Variants in PREX1 observed in about 807,000 individuals in gnomAD.
The protein encoded by PREX1 is phosphatidylinositol-3,4,5-trisphosphate dependent Rac exchange factor 1.
PREX1 carries 41 observed loss-of-function variants against 198.3 expected under a neutral mutation model. The observed-to-expected ratio is 0.21, with a 90% CI of 0.16 to 0.27. The LOEUF is 0.27. Among genes scored for constraint, PREX1 ranks in the 10% least tolerant of loss-of-function variants. The pLI, the probability that PREX1 is intolerant of heterozygous loss-of-function variation, is 1.00. For missense variants in PREX1, 1,620 were observed against 2,200.7 expected (o/e 0.74, Z 5.28); for synonymous variants, 843 against 887.2 (o/e 0.95, Z 0.89).
At chr20:48,693,646 G>A (rs1487805013) in intron 7 of PREX1, among the ~76,000 whole-genome samples, 2 of 151,806 alleles carry the variant, frequency 1.3e-5, no homozygotes, top group South Asian at 2.1e-4. Context: ...TCACTCTGTC[G>A]CCCAGGCTGG....
intron 3 of PREX1, among the ~76,000 whole-genome samples, chr20:48,744,033 T>C (rs773031237): frequency 1.4e-5 from 2 of 140,638 alleles, no homozygotes; most frequent in Non-Finnish European, 3.2e-5. Flanking sequence ...ATGATGATGA[T>C]GAGTTAACAG....
intron 1 of PREX1, among the ~76,000 whole-genome samples, chr20:48,774,881 C>A (rs1332145746): frequency 6.6e-6 from 1 of 152,274 alleles, no homozygotes; most frequent in Non-Finnish European, 1.5e-5. Context: ...ACAGCCTCAG[C>A]CTGCCATGGG....
chr20:48,749,073 G>A (rs1256968316), intron 1 of PREX1, among the ~76,000 whole-genome samples: 1 of 152,108 alleles, frequency 6.6e-6, no homozygotes, highest in African/African-American at 2.4e-5. Context: ...CACACGTATG[G>A]GCTGAGAGAG....
At chr20:48,881,797 T>G in the PREX1 span, among the ~76,000 whole-genome samples, 1 of 152,176 alleles carries the variant, frequency 6.6e-6, no homozygotes, top group Non-Finnish European at 1.5e-5. Flanking sequence ...CAATTCATCT[T>G]TAAGTGTGCA....
chr20:48,648,466 C>A (rs1010081399), intron 25 of PREX1, among the ~76,000 whole-genome samples: 7 of 152,204 alleles, frequency 4.6e-5, no homozygotes, highest in Admixed American at 4.6e-4. Flanking sequence ...AGCTCCCCAA[C>A]AAGGAATAAT....
chr20:48,834,984 T>C, the PREX1 span, among the ~76,000 whole-genome samples: 3 of 152,122 alleles, frequency 2.0e-5, no homozygotes, highest in African/African-American at 7.2e-5. Context: ...CTCGAACTCC[T>C]GACCTCAGCT....
In PREX1 at chr20:48,653,310, ACC is replaced by A. The variant is rs559404712; in HGVS notation, c.2346+49_2346+50del. 8.0e-5 allele frequency: 127 copies of A among 1,593,592 alleles called. 1 individual carries two copies. The African/African-American group carries it at 1.6e-3, about 20-fold the overall frequency. On this transcript the variant is annotated intron_variant, in intron 20 of 39. Transcript: ENST00000371941. ...AAGAGAGGACAGCCCTCAGCCACCC[ACC>A]CCCACTCAGCAGGACTTCTTTGACG...
intron 10 of PREX1, among the ~76,000 whole-genome samples, chr20:48,686,132 A>T: frequency 6.6e-6 from 1 of 151,974 alleles, no homozygotes. Context: ...AGTGGCAGTG[A>T]CTGTTTCACG....
rs73911660 is a variant in PREX1 at position 48,728,330 on chromosome 20, G to A, written c.520-1939C>T. On this transcript the variant is annotated intron_variant, in intron 4 of 39. Coordinates refer to ENST00000371941, the MANE Select transcript of PREX1 (RefSeq NM_020820.4). ...TTCACATACACAGAAAGTTCATGCC[G>A]AAAGCCTAAGGAAATAAGCATGGAC... Among the ~76,000 whole-genome samples, 1,337 of 152,320 alleles carry A rather than the reference G, an allele frequency of 8.8e-3. 19 individuals carry two copies. The highest frequency in any genetic ancestry group is 0.031 in the African/African-American group (1,278 of 41,556).
At chr20:48,683,484 C>G (rs1056491870) in intron 10 of PREX1, among the ~76,000 whole-genome samples, 2 of 152,144 alleles carry the variant, frequency 1.3e-5, no homozygotes, top group African/African-American at 2.4e-5. Context: ...ATTTAGCAGG[C>G]AAAATTTCTA....
rs530235321 is a variant in PREX1 at position 48,653,756 on chromosome 20, C to G, written c.2210-259G>C. Reference sequence around the variant, plus strand: ...CAAGGCAAACGGGATCCGATTCAGGCCCGTTTCACTCTAGAACCTCGTCTC... The same window carrying G: ...CAAGGCAAACGGGATCCGATTCAGGGCCGTTTCACTCTAGAACCTCGTCTC... On this transcript the variant is annotated intron_variant, in intron 19 of 39. Coordinates refer to ENST00000371941, the MANE Select transcript of PREX1 (RefSeq NM_020820.4). Among the ~76,000 whole-genome samples, 6 of 152,360 alleles carry G rather than the reference C, an allele frequency of 3.9e-5. No individual in the cohort carries two copies. The South Asian group carries it at 8.3e-4, about 21-fold the overall frequency.
At chr20:48,630,231 C>G (rs1436774485) in intron 36 of PREX1, among the ~76,000 whole-genome samples, 1 of 152,206 alleles carries the variant, frequency 6.6e-6, no homozygotes, top group Non-Finnish European at 1.5e-5. Context: ...AGGCAAGGAG[C>G]CCAAGGAGCC....
chr20:48,656,517 G>A (rs769186996), intron 18 of PREX1: 7 of 456,660 alleles, frequency 1.5e-5, no homozygotes, highest in African/African-American at 8.0e-5. Flanking sequence ...CTTCCAATGC[G>A]CCAGACACGG....
upstream of PREX1, among the ~76,000 whole-genome samples, chr20:48,831,791 C>A (rs544467184): frequency 3.9e-5 from 6 of 152,250 alleles, no homozygotes; most frequent in Non-Finnish European, 7.3e-5. Context: ...AGGTCACTAC[C>A]CCAGTGTCAT....
At chr20:48,751,372 T>C (rs947317328) in intron 1 of PREX1, among the ~76,000 whole-genome samples, 11 of 152,142 alleles carry the variant, frequency 7.2e-5, no homozygotes, top group Non-Finnish European at 1.0e-4. Flanking sequence ...CTGGCCTAGA[T>C]TGGGGCTTCC....
Position 48,708,320 on chromosome 20 carries a change from C to T in PREX1, c.723G>A (p.Lys241=), listed in dbSNP as rs1001781650. The part of the protein sequence containing the change: ...KTVCSNINET[K]RQMEKLEALE... ...GGGCTTCCAGCTTCTCCATCTGCCG[C>T]TTGGTCTCATTGATGTTGGAGCAAA... Residue 241 remains lysine (K), a synonymous_variant, in exon 6 of 40, where the codon AAG becomes AAA. Transcript: ENST00000371941. The T allele has an allele frequency of 3.7e-6, 6 of 1,614,136 alleles. No homozygotes were observed. In the Admixed American group the frequency reaches 1.0e-4, roughly 27 times the overall value.
intron 1 of PREX1, among the ~76,000 whole-genome samples, chr20:48,762,868 A>G (rs1029309871): frequency 1.3e-5 from 2 of 152,060 alleles, no homozygotes; most frequent in Non-Finnish European, 2.9e-5. Context: ...ACACCTGGCT[A>G]ATGTTTGTAT....
chr20:48,687,991 C>G (rs906941483), intron 10 of PREX1, among the ~76,000 whole-genome samples: 1 of 152,138 alleles, frequency 6.6e-6, no homozygotes, highest in East Asian at 1.9e-4. Context: ...CCTGCCAACA[C>G]CCTGACCTAG....
rs374873656 is a variant in PREX1, at chr20:48,799,384, A to T, written c.219+28258T>A. Among the ~76,000 whole-genome samples the T allele has an allele frequency of 4.3e-4, 65 of 152,236 alleles. 1 individual carries two copies. In the South Asian group the frequency reaches 0.013, roughly 31 times the overall value. The stretch of plus-strand genomic sequence containing the variant: ...CATGCAGACAGGCCTGGAAGAGGAA[A>T]ACGTTCGAAACATCCCTCTAAGCCT... On this transcript the variant is annotated intron_variant, in intron 1 of 39. Transcript: ENST00000371941.
Sources: allele counts gnomAD v4.1 joint callset (sites outside exome capture counted in the v4.1 genomes callset), GRCh38; gene constraint gnomAD v4.1.1; transcripts MANE v1.5; gene names NCBI Gene and HGNC (gene_info 2026-07-23, HGNC 2026-07-21).